The following DMTN variants were observed in gnomAD, a reference collection of about 807,000 sequenced individuals.
DMTN encodes dematin.
DMTN carries 27 observed loss-of-function variants against 59.4 expected under a neutral mutation model. That is an observed-to-expected ratio of 0.45 (90% CI 0.33 to 0.63). DMTN has a LOEUF of 0.63. Among genes scored for constraint, DMTN ranks in the 20% least tolerant of loss-of-function variants. DMTN has a pLI of 0.02. For synonymous variants in DMTN, 221 were observed against 203.7 expected, an observed-to-expected ratio of 1.08 and a Z score of -0.72; for missense variants, 451 against 528.9, an observed-to-expected ratio of 0.85 and a Z score of 1.45.
intron 1 of DMTN, among the ~76,000 whole-genome samples, chr8:22,064,785 T>C (rs912986894): frequency 3.3e-5 from 5 of 152,150 alleles, no homozygotes. Flanking sequence ...GGAGATGCCA[T>C]GGTTCTAGAA....
chr8:22,081,816 A>C lies in DMTN; in HGVS notation c.*353A>C. 2.1e-6 allele frequency: 1 copy of C among 483,344 alleles called. No homozygotes were observed. The highest frequency in any genetic ancestry group is 4.1e-6 in the Non-Finnish European group (1 of 244,968). The allele number at this position is 483,344 out of a possible 1,614,324, so 29.9% of individuals were successfully genotyped here. The stretch of plus-strand genomic sequence containing the variant: ...CCGGTTGGCTGTCTTGAACAGCTGG[A>C]GGGAAGATGCAGGGGTGGGAAGCGG... On this transcript the variant is annotated 3_prime_UTR_variant, in exon 16 of 16. Transcript: ENST00000358242.
intron 10 of DMTN, among the ~76,000 whole-genome samples, chr8:22,079,477 A>C (rs1006310959): frequency 6.6e-6 from 1 of 151,576 alleles, no homozygotes; most frequent in African/African-American, 2.4e-5. Flanking sequence ...ACAAACAAAC[A>C]AATATGAATA....
At chr8:22,078,417 A>G (rs1349895129) in intron 10 of DMTN, among the ~76,000 whole-genome samples, 1 of 149,188 alleles carries the variant, frequency 6.7e-6, no homozygotes, top group African/African-American at 2.4e-5. Flanking sequence ...ATATATGTAT[A>G]TATGTGAATA....
chr8:22,062,640 C>T (rs2130674398), intron 1 of DMTN, among the ~76,000 whole-genome samples: 1 of 152,204 alleles, frequency 6.6e-6, no homozygotes, highest in African/African-American at 2.4e-5. Context: ...GGGCCATTCC[C>T]CCTGGCTGTA....
At chr8:22,070,636 A>G (rs1814610818) in intron 8 of DMTN, among the ~76,000 whole-genome samples, 1 of 152,236 alleles carries the variant, frequency 6.6e-6, no homozygotes, top group Non-Finnish European at 1.5e-5. Flanking sequence ...ACTGGGAAAG[A>G]GAAAGATAAA....
chr8:22,064,608 G>T (rs1001780355), intron 1 of DMTN, among the ~76,000 whole-genome samples: 1 of 152,102 alleles, frequency 6.6e-6, no homozygotes, highest in Non-Finnish European at 1.5e-5. Flanking sequence ...ACAGGCGCCC[G>T]CCACCACGCC....
chr8:22,061,296 AAAAG>A (rs1220661163), intron 1 of DMTN, among the ~76,000 whole-genome samples: 1,742 of 146,118 alleles, frequency 0.012, 24 homozygotes, highest in African/African-American at 0.038. Context: ...AAAAAAAAAA[AAAAG>A]AAAGAAAGAA....
At chr8:22,080,980 C>CA in intron 14 of DMTN, 110 bp downstream of exon 14, 1 of 1,480,924 alleles carries the variant, frequency 6.8e-7, no homozygotes, top group East Asian at 2.3e-5. Flanking sequence ...GGAGGGATGG[C>CA]AGGGAAGTTG....
chr8:22,070,939 G>A (rs1814869332), intron 8 of DMTN, among the ~76,000 whole-genome samples: 1 of 152,122 alleles, frequency 6.6e-6, no homozygotes, highest in Non-Finnish European at 1.5e-5. Context: ...TCTGTGTCTT[G>A]TTTGACTTAA....
chr8:22,062,103 A>G (rs1382695631), intron 1 of DMTN, among the ~76,000 whole-genome samples: 3 of 151,384 alleles, frequency 2.0e-5, no homozygotes, highest in Non-Finnish European at 4.4e-5. Flanking sequence ...TATGGTTGTT[A>G]CCCAACTTCT....
At chr8:22,081,287 C>G in intron 15 of DMTN, 63 bp from the exon 16 acceptor site, 3 of 1,586,496 alleles carry the variant, frequency 1.9e-6, no homozygotes, top group Non-Finnish European at 2.6e-6. Flanking sequence ...GTGAGTGTCC[C>G]CTAGGTCACT....
rs564596686 is a variant in DMTN, at chr8:22,058,222, C to A, written c.-172+1086C>A. Among the ~76,000 whole-genome samples, 3 of 152,264 alleles carry A rather than the reference C, an allele frequency of 2.0e-5. No homozygotes were observed. Among genetic ancestry groups the A allele is most frequent in the African/African-American group, 7.2e-5 (3 of 41,540 alleles). On this transcript the variant is annotated intron_variant, in intron 1 of 15. Coordinates refer to ENST00000358242, the MANE Select transcript of DMTN (RefSeq NM_001387751.1). This position sits in a 1 kb window ranked among gnomAD's most constrained non-coding sequence, Gnocchi z 4.3. ...GTCCATCTTGTGTCCGTGCTGCCGG[C>A]CTCTCTGTGGTCAGGCGTTAGACTC...
chr8:22,061,294 A>G (rs1350926905), intron 1 of DMTN, among the ~76,000 whole-genome samples: 2 of 151,076 alleles, frequency 1.3e-5, no homozygotes, highest in Non-Finnish European at 2.9e-5. Flanking sequence ...AAAAAAAAAA[A>G]AAAAAGAAAG....
At chr8:22,061,296 AAAAGAAAG>A (rs1220661163) in intron 1 of DMTN, among the ~76,000 whole-genome samples, 88 of 146,416 alleles carry the variant, frequency 6.0e-4, no homozygotes, top group Non-Finnish European at 1.0e-3. Context: ...AAAAAAAAAA[AAAAGAAAG>A]AAAGAAAGAA....
Position 22,072,183 on chromosome 8 carries a change from C to T in DMTN, c.605-143C>T, listed in dbSNP as rs539588191. On this transcript the variant is annotated intron_variant, in intron 8 of 15. Transcript: ENST00000358242. ...GAGATTACAGGCATGAGTCATCTAC[C>T]GACCCTACTTTATTTTTTAAAAAAA... 43 of 1,094,652 alleles carry T rather than the reference C, an allele frequency of 3.9e-5. No homozygotes were observed. In the South Asian group the frequency reaches 5.7e-4, roughly 15 times the overall value. 67.8% of individuals were successfully genotyped at this position (1,094,652 alleles called of 1,614,324 possible).
chr8:22,061,559 T>C (rs923605112), intron 1 of DMTN, among the ~76,000 whole-genome samples: 19 of 151,998 alleles, frequency 1.3e-4, no homozygotes, highest in Non-Finnish European at 2.6e-4. Context: ...AGATAGCCAC[T>C]TTCACACTCT....
chr8:22,070,060 C>T lies in DMTN; in HGVS notation c.452-122C>T, dbSNP rs1223982373. 2.1e-5 allele frequency: 32 copies of T among 1,548,110 alleles called. No individual in the cohort carries two copies. The East Asian group carries it at 5.4e-4, about 26-fold the overall frequency. The stretch of plus-strand genomic sequence containing the variant: ...GCATGTCACAGCAGCACGTGTGCCC[C>T]GTGCTCAGCGTGTACACTGCTTTTA... On this transcript the variant is annotated intron_variant, in intron 7 of 15. Coordinates refer to ENST00000358242, the MANE Select transcript of DMTN (RefSeq NM_001387751.1).
At chr8:22,075,498 GCCA>G (rs1359277845) in intron 10 of DMTN, among the ~76,000 whole-genome samples, 1 of 141,650 alleles carries the variant, frequency 7.1e-6, no homozygotes, top group Non-Finnish European at 1.5e-5. Flanking sequence ...ACAGGTGCAT[GCCA>G]CCATGCCCAG....
intron 10 of DMTN, 51 bp downstream of exon 10, chr8:22,073,886 G>A (rs1390200109): frequency 1.4e-6 from 2 of 1,475,980 alleles, no homozygotes; most frequent in Non-Finnish European, 1.9e-6. Flanking sequence ...ATGGAGGCCT[G>A]ACTCTGTGCA....
Sources: allele counts gnomAD v4.1 joint callset (sites outside exome capture counted in the v4.1 genomes callset), GRCh38; gene constraint gnomAD v4.1.1; non-coding constraint Gnocchi (gnomAD v3.1); transcripts MANE v1.5; gene names NCBI Gene and HGNC (gene_info 2026-07-23, HGNC 2026-07-21).